The following DPYSL3 variants were observed in gnomAD, a reference collection of about 807,000 sequenced individuals.
DPYSL3 encodes dihydropyrimidinase like 3, also known as dihydropyrimidinase-related protein 3.
Under a neutral mutation model 66.1 loss-of-function variants are expected in DPYSL3, and 16 were observed. That is an observed-to-expected ratio of 0.24 (90% CI 0.16 to 0.37). The LOEUF (loss-of-function observed/expected upper bound fraction) is 0.37. Ranked by LOEUF, DPYSL3 falls within the 10% of genes least tolerant of loss-of-function variation. The pLI, the probability that DPYSL3 is intolerant of heterozygous loss-of-function variation, is 1.00. For missense variants in DPYSL3, 738 were observed against 916.2 expected, an observed-to-expected ratio of 0.81 and a Z score of 2.51; for synonymous variants, 338 against 345.1, an observed-to-expected ratio of 0.98 and a Z score of 0.23.
intron 1 of DPYSL3, among the ~76,000 whole-genome samples, chr5:147,451,398 G>A (rs1221388911): frequency 6.6e-6 from 1 of 152,238 alleles, no homozygotes; most frequent in African/African-American, 2.4e-5. Flanking sequence ...CACTGAAAAT[G>A]AAGGATGTAC....
intron 1 of DPYSL3, among the ~76,000 whole-genome samples, chr5:147,447,483 G>A (rs1279506605): frequency 6.6e-6 from 1 of 152,144 alleles, no homozygotes; most frequent in Non-Finnish European, 1.5e-5. Flanking sequence ...TTTCTTATTT[G>A]TTTCTCATTT....
At chr5:147,489,844 C>T (rs769285997) in intron 1 of DPYSL3, among the ~76,000 whole-genome samples, 9 of 151,332 alleles carry the variant, frequency 5.9e-5, no homozygotes, top group African/African-American at 9.7e-5. Flanking sequence ...GAAAAGTTAC[C>T]GATGGATACA....
intron 1 of DPYSL3, among the ~76,000 whole-genome samples, chr5:147,448,076 C>T (rs1752661648): frequency 6.6e-6 from 1 of 151,950 alleles, no homozygotes; most frequent in South Asian, 2.1e-4. Flanking sequence ...CCCATTAGGA[C>T]AGGAGGGGTT....
chr5:147,485,705 A>G (rs1487039799), intron 1 of DPYSL3, among the ~76,000 whole-genome samples: 2 of 152,174 alleles, frequency 1.3e-5, no homozygotes, highest in African/African-American at 4.8e-5. Flanking sequence ...GCTGAGCAGG[A>G]TGGTAGGTTG....
intron 12 of DPYSL3, among the ~76,000 whole-genome samples, chr5:147,396,756 C>T (rs1757986401): frequency 6.6e-6 from 1 of 151,974 alleles, no homozygotes; most frequent in African/African-American, 2.4e-5. Context: ...AAGTCTCCTT[C>T]TCTATTAGGC....
chr5:147,424,494 T>G (rs1026571547), intron 2 of DPYSL3, among the ~76,000 whole-genome samples: 5 of 152,338 alleles, frequency 3.3e-5, no homozygotes, highest in African/African-American at 1.2e-4. Context: ...GTCCTATCCT[T>G]AAGTCAAGGT....
At chr5:147,452,438 T>TACACACACACAC (rs35272843) in intron 1 of DPYSL3, among the ~76,000 whole-genome samples, 103 of 142,130 alleles carry the variant, frequency 7.2e-4, no homozygotes, top group African/African-American at 2.3e-3. Context: ...ATTCCCCCAC[T>TACACACACACAC]ACACACACAC....
chr5:147,418,389 C>G, intron 3 of DPYSL3, 58 bp downstream of exon 3: 1 of 1,484,090 alleles, frequency 6.7e-7, no homozygotes, highest in East Asian at 2.3e-5. Context: ...CTGGAGATAA[C>G]ACATTCATTA....
In DPYSL3 at chr5:147,403,851, C is replaced by T. The variant is rs555015037; in HGVS notation, c.1153+1759G>A. Among the ~76,000 whole-genome samples, 186 of 152,242 alleles carry T rather than the reference C, an allele frequency of 1.2e-3. 1 individual carries two copies. The highest frequency in any genetic ancestry group is 2.6e-3 in the African/African-American group (109 of 41,558). ...CTGAAATAATACCCCCATTCCACCC[C>T]GGAGACACAGCTGTACTAGTTCTGC... On this transcript the variant is annotated intron_variant, in intron 8 of 13. Coordinates refer to ENST00000343218, the MANE Select transcript of DPYSL3 (RefSeq NM_001197294.2).
intron 1 of DPYSL3, among the ~76,000 whole-genome samples, chr5:147,469,091 AT>A (rs1753049187): frequency 6.6e-6 from 1 of 152,234 alleles, no homozygotes; most frequent in African/African-American, 2.4e-5. Flanking sequence ...CAAAATTCTT[AT>A]GACCACTGGG....
At chr5:147,468,856 T>C (rs748176138) in intron 1 of DPYSL3, among the ~76,000 whole-genome samples, 3 of 152,216 alleles carry the variant, frequency 2.0e-5, no homozygotes, top group Non-Finnish European at 2.9e-5. Flanking sequence ...TGTTTTATTA[T>C]GACCTTGCAA....
intron 1 of DPYSL3, among the ~76,000 whole-genome samples, chr5:147,430,480 G>A (rs924240412): frequency 1.1e-4 from 16 of 147,968 alleles, no homozygotes; most frequent in African/African-American, 1.5e-4. Context: ...ATTGCACTCC[G>A]GCCTAGGCAA....
chr5:147,442,333 A>G (rs148301017), intron 1 of DPYSL3, among the ~76,000 whole-genome samples: 153 of 152,368 alleles, frequency 1.0e-3, no homozygotes, highest in African/African-American at 3.5e-3. Flanking sequence ...CCTCAGCAAG[A>G]CAGGGAGGAA....
chr5:147,474,857 G>A (rs1753134811), intron 1 of DPYSL3, among the ~76,000 whole-genome samples: 1 of 151,934 alleles, frequency 6.6e-6, no homozygotes, highest in South Asian at 2.1e-4. Context: ...TTAGAGCTGT[G>A]TAACTATCAT....
intron 1 of DPYSL3, among the ~76,000 whole-genome samples, chr5:147,490,838 T>A (rs1753405109): frequency 6.6e-6 from 1 of 152,096 alleles, no homozygotes; most frequent in African/African-American, 2.4e-5. Flanking sequence ...TACAGACAAC[T>A]CAGAGAGTTA....
In DPYSL3 at chr5:147,437,188, A is replaced by T. The variant is rs528304070; in HGVS notation, c.382-12225T>A. ...TCTTAAGAAGCAGCTCTCTCTTTTC[A>T]TCTTTTCTGACTGACAGCTGGCTTT... On this transcript the variant is annotated intron_variant, in intron 1 of 13. Transcript: ENST00000343218. Among the ~76,000 whole-genome samples, 7 of 152,316 alleles carry T rather than the reference A, an allele frequency of 4.6e-5. No individual in the cohort carries two copies. The South Asian group carries it at 1.5e-3, about 32-fold the overall frequency.
Position 147,507,377 on chromosome 5 carries a change from G to T in DPYSL3, c.381+2101C>A, listed in dbSNP as rs1490316908. Among the ~76,000 whole-genome samples the T allele has an allele frequency of 2.0e-5, 3 of 150,908 alleles. 1 individual carries two copies. Among genetic ancestry groups the T allele is most frequent in the South Asian group, 4.2e-4 (2 of 4,786 alleles). Reference sequence around the variant, plus strand: ...TTTTTTAAGTAAAGTTGTCCAAAAAGTTGCTTCATGAGGTAGTGAGCTCCC... The same window carrying T: ...TTTTTTAAGTAAAGTTGTCCAAAAATTTGCTTCATGAGGTAGTGAGCTCCC... On this transcript the variant is annotated intron_variant, in intron 1 of 13. Coordinates refer to ENST00000343218, the MANE Select transcript of DPYSL3 (RefSeq NM_001197294.2).
At chr5:147,450,280 T>TA (rs961251629) in intron 1 of DPYSL3, among the ~76,000 whole-genome samples, 4 of 152,118 alleles carry the variant, frequency 2.6e-5, no homozygotes, top group Non-Finnish European at 1.5e-5. Context: ...ATGTAAGGCA[T>TA]AAAAAAACAT....
intron 1 of DPYSL3, among the ~76,000 whole-genome samples, chr5:147,496,569 C>T (rs1161852601): frequency 1.3e-5 from 2 of 151,848 alleles, no homozygotes; most frequent in Non-Finnish European, 2.9e-5. Flanking sequence ...AACAAACAAC[C>T]CCATCAAAAA....
Sources: gnomAD v4.1 joint callset for allele counts (sites outside exome capture counted in the v4.1 genomes callset) on GRCh38, gnomAD v4.1.1 for gene constraint, MANE v1.5 for transcripts, NCBI Gene and HGNC (gene_info 2026-07-23, HGNC 2026-07-21) for gene names.